SAXO1: variants seen among roughly 807,000 people sequenced by gnomAD.
The protein encoded by SAXO1 is stabilizer of axonemal microtubules 1.
In SAXO1, 21 loss-of-function variants were observed where a neutral mutation model predicts 17.5. The ratio of observed to expected loss-of-function variants is 1.20; its 90% CI spans 0.85 to 1.72. The LOEUF is 1.72. Among genes scored for constraint, SAXO1 ranks in the 40% most tolerant of loss-of-function variants. The probability of loss-of-function intolerance (pLI) is 0.00; values close to 1 mark genes in which losing one functional copy is unlikely to be tolerated. For synonymous variants in SAXO1, 274 were observed against 216.5 expected (o/e 1.27, Z -2.33); for missense variants, 843 against 596.0 (o/e 1.41, Z -4.32).
At chr9:18,930,701 G>A (rs1285758236) in intron 3 of SAXO1, among the ~76,000 whole-genome samples, 1 of 152,160 alleles carries the variant, frequency 6.6e-6, no homozygotes, top group East Asian at 1.9e-4. Context: ...GTTTCTCCGT[G>A]TTGGTCAGGC....
At chr9:18,937,265 T>C (rs1453969022) in intron 3 of SAXO1, among the ~76,000 whole-genome samples, 1 of 152,212 alleles carries the variant, frequency 6.6e-6, no homozygotes, top group Non-Finnish European at 1.5e-5. Flanking sequence ...CTTCTGCTCC[T>C]GGCCAGGACC....
At position 18,999,569 on chromosome 9, in the gene SAXO1, C is replaced by T. The variant is rs186671800; in HGVS notation, c.38+33302G>A. 3.3e-4 allele frequency among the ~76,000 whole-genome samples: 49 copies of T among 147,002 alleles called. 1 individual carries two copies. The East Asian group carries it at 7.8e-3, about 23-fold the overall frequency. ...GAAGTGAGGAGCGCCGCTGCCTGGCCGCCACACCATCTGGGAAGTGAGGAG... is the reference window on the plus strand; with the variant it reads ...GAAGTGAGGAGCGCCGCTGCCTGGCTGCCACACCATCTGGGAAGTGAGGAG... On this transcript the variant is annotated intron_variant, in intron 1 of 3. Coordinates refer to ENST00000380534, the MANE Select transcript of SAXO1 (RefSeq NM_153707.4).
Position 19,033,127 on chromosome 9 carries a change from G to T in SAXO1, c.-219C>A, listed in dbSNP as rs894132085. ...CGAGGTAGCAGCAGGGGGCTTGCAC[G>T]CGCGCCAGCCCGGGAGACCTCACCC... On this transcript the variant is annotated 5_prime_UTR_variant, in exon 1 of 4. Transcript: ENST00000380534. 2.1e-6 allele frequency: 1 copy of T among 487,474 alleles called. No individual in the cohort carries two copies. Among genetic ancestry groups the T allele is most frequent in the East Asian group, 3.3e-5 (1 of 29,994 alleles). The allele number at this position is 487,474 out of a possible 1,614,324, so 30.2% of individuals were successfully genotyped here. A position where few individuals can be genotyped will look rare whatever the true frequency, so the allele number is the denominator to read the frequency against.
intron 1 of SAXO1, among the ~76,000 whole-genome samples, chr9:18,960,414 C>G (rs1832436483): frequency 6.6e-6 from 1 of 152,218 alleles, no homozygotes; most frequent in South Asian, 2.1e-4. Context: ...AAGCCTATTC[C>G]TAGCCTTCCC....
rs1207245143 is a variant in SAXO1, at chr9:18,928,483, C to T, written c.994G>A (p.Gly332Ser). The change falls in exon 4 of 4, where the codon GGT becomes AGT. Residue 332 changes from glycine (G) to serine (S), a missense_variant. Gly to Ser is a moderately conservative substitution (Grantham distance 56). Transcript: ENST00000380534. ...CRPALQIKKCGRFEGSSTTKD... is the reference protein window; with the variant it reads ...CRPALQIKKCSRFEGSSTTKD... Reference sequence around the variant, plus strand: ...GTGGTGGAAGAGCCTTCAAAGCGACCGCACTTCTTAATCTGAAGTGCAGGT... The same window carrying T: ...GTGGTGGAAGAGCCTTCAAAGCGACTGCACTTCTTAATCTGAAGTGCAGGT... 5.6e-6 allele frequency: 9 copies of T among 1,613,120 alleles called. No homozygotes were observed. Among genetic ancestry groups the T allele is most frequent in the South Asian group, 2.2e-5 (2 of 90,904 alleles).
At chr9:19,040,803 A>T (rs1836061575) in intron 1 of SAXO1, among the ~76,000 whole-genome samples, 1 of 152,212 alleles carries the variant, frequency 6.6e-6, no homozygotes, top group African/African-American at 2.4e-5. Context: ...GCAGAGATCA[A>T]ATACAAACAG....
chr9:19,027,177 G>C lies in SAXO1; in HGVS notation c.38+5694C>G, dbSNP rs556069739. 23 of 1,201,698 alleles carry C rather than the reference G, an allele frequency of 1.9e-5. 1 individual carries two copies. In the Middle Eastern group the frequency reaches 1.4e-3, roughly 72 times the overall value. 74.4% of individuals were successfully genotyped at this position (1,201,698 alleles called of 1,614,324 possible). On this transcript the variant is annotated intron_variant, in intron 1 of 3. Transcript: ENST00000380534. ...TCAAGAGGAGGATGGTCCAAATATT[G>C]ACCTGGACTCCCAGAGGAAGGACAA...
intron 3 of SAXO1, among the ~76,000 whole-genome samples, chr9:18,937,244 C>T (rs1327029545): frequency 1.3e-5 from 2 of 152,304 alleles, no homozygotes; most frequent in African/African-American, 2.4e-5. Context: ...CATGGGCCTT[C>T]TCAATCCTCA....
chr9:19,010,178 A>G (rs964829412), intron 1 of SAXO1, among the ~76,000 whole-genome samples: 3 of 152,034 alleles, frequency 2.0e-5, no homozygotes, highest in African/African-American at 7.2e-5. Flanking sequence ...AACACCTTAT[A>G]TAAAAGTTGA....
intron 1 of SAXO1, among the ~76,000 whole-genome samples, chr9:18,987,299 G>A (rs1341547947): frequency 6.6e-6 from 1 of 152,086 alleles, no homozygotes; most frequent in East Asian, 1.9e-4. Flanking sequence ...CATACTCCAA[G>A]AACAAACTCC....
intron 1 of SAXO1, among the ~76,000 whole-genome samples, chr9:19,013,230 A>G (rs543136562): frequency 5.9e-5 from 9 of 152,358 alleles, no homozygotes; most frequent in Middle Eastern, 3.4e-3. Flanking sequence ...GGCATAAGGC[A>G]TAAGGCATGG....
chr9:19,024,419 A>G (rs1448626779), intron 1 of SAXO1, among the ~76,000 whole-genome samples: 2 of 151,802 alleles, frequency 1.3e-5, no homozygotes, highest in Non-Finnish European at 2.9e-5. Context: ...AGGAAGGGGA[A>G]CATCACACAC....
intron 1 of SAXO1, among the ~76,000 whole-genome samples, chr9:18,985,884 T>C (rs780728998): frequency 3.9e-5 from 6 of 152,248 alleles, no homozygotes; most frequent in African/African-American, 7.2e-5. Flanking sequence ...TTGGCAGGTA[T>C]GTCTAACGTG....
Position 18,928,664 on chromosome 9 carries a change from G to A in SAXO1, c.813C>T (p.Thr271=). 6.2e-7 allele frequency: 1 copy of A among 1,614,104 alleles called. No individual in the cohort carries two copies. Among genetic ancestry groups the A allele is most frequent in the Non-Finnish European group, 8.5e-7 (1 of 1,180,034 alleles). ...PPGLDMPFCN[T]TEFRDKYQAW... ...CTTGGTACTTATCTCGAAACTCAGT[G>A]GTGTTACAGAAAGGCATGTCTAGCC... is the stretch of plus-strand genomic sequence containing the variant. The change falls in exon 4 of 4, where the codon ACC becomes ACT. Residue 271 remains threonine, a synonymous_variant. Transcript: ENST00000380534.
intron 3 of SAXO1, among the ~76,000 whole-genome samples, chr9:18,936,994 C>A (rs1354306052): frequency 6.6e-6 from 1 of 152,156 alleles, no homozygotes; most frequent in Non-Finnish European, 1.5e-5. Flanking sequence ...CTAGATGGCA[C>A]CCACTGAAAC....
chr9:18,962,959 T>C (rs1832549406), intron 1 of SAXO1, among the ~76,000 whole-genome samples: 2 of 152,232 alleles, frequency 1.3e-5, no homozygotes, highest in African/African-American at 4.8e-5. Context: ...TTAATCCATC[T>C]TGAGTTAATT....
At chr9:18,943,134 G>C (rs1454964326) in intron 2 of SAXO1, among the ~76,000 whole-genome samples, 1 of 152,232 alleles carries the variant, frequency 6.6e-6, no homozygotes, top group Non-Finnish European at 1.5e-5. Context: ...CCCGAACCGG[G>C]TCCTGAAAAT....
rs57919139 is a variant in SAXO1 at position 19,046,082 on chromosome 9, C to CAAAA, written c.-158+3123_-158+3126dup. Among the ~76,000 whole-genome samples, 126 of 54,914 alleles carry CAAAA rather than the reference C, an allele frequency of 2.3e-3. 1 individual carries two copies. The highest frequency in any genetic ancestry group is 4.0e-3 in the African/African-American group (56 of 13,960). The allele number at this position is 54,914 out of a possible 152,430, so 36.0% of individuals were successfully genotyped here. On this transcript the variant is annotated intron_variant, in intron 1 of 3. Transcript: ENST00000542071. Reference sequence around the variant, plus strand: ...GGGCAACAAGAATGAAACTCCGTCTCAAAAAAAAAAAAAAAAAAAAAGGAG... The same window carrying CAAAA: ...GGGCAACAAGAATGAAACTCCGTCTCAAAAAAAAAAAAAAAAAAAAAAAAAGGAG...
chr9:18,989,480 AT>A, intron 1 of SAXO1, among the ~76,000 whole-genome samples: 1 of 152,312 alleles, frequency 6.6e-6, no homozygotes, highest in African/African-American at 2.4e-5. Context: ...AACTTCAAAA[AT>A]ATACATTTAA....
Sources: gnomAD v4.1 joint callset for allele counts (sites outside exome capture counted in the v4.1 genomes callset) on GRCh38, gnomAD v4.1.1 for gene constraint, MANE v1.5 for transcripts, NCBI Gene and HGNC (gene_info 2026-07-23, HGNC 2026-07-21) for gene names.